Variants in MOB3B observed in about 807,000 individuals in gnomAD.
MOB3B encodes MOB kinase activator 3B.
In MOB3B, 7 loss-of-function variants were observed where a neutral mutation model predicts 18.7. The ratio of observed to expected loss-of-function variants is 0.37; its 90% confidence interval spans 0.21 to 0.70. The LOEUF (loss-of-function observed/expected upper bound fraction) is 0.70. MOB3B is among the 30% of genes least tolerant of loss of function. The pLI, the probability that MOB3B is intolerant of heterozygous loss-of-function variation, is 0.52. For missense variants in MOB3B, 253 were observed against 281.3 expected (o/e 0.90, Z 0.72); for synonymous variants, 111 against 99.9 (o/e 1.11, Z -0.66).
At chr9:27,389,600 G>GT (rs1287872578) in intron 2 of MOB3B, among the ~76,000 whole-genome samples, 1 of 152,070 alleles carries the variant, frequency 6.6e-6, no homozygotes, top group Admixed American at 6.6e-5. Context: ...CCCATCACTA[G>GT]TTGTATTCTG....
chr9:27,461,905 G>C (rs12348943), intron 1 of MOB3B, among the ~76,000 whole-genome samples: 33,838 of 152,100 alleles, frequency 0.22, 3,941 homozygotes, highest in African/African-American at 0.29. Flanking sequence ...TAAAAGAAAA[G>C]AGTGGGATTT....
At chr9:27,354,870 C>G (rs374334831) in intron 3 of MOB3B, among the ~76,000 whole-genome samples, 3 of 152,162 alleles carry the variant, frequency 2.0e-5, no homozygotes, top group African/African-American at 7.2e-5. Context: ...CTAGGGAAGA[C>G]AGAATTCAGG....
chr9:27,427,740 G>A (rs1182773212), intron 2 of MOB3B, among the ~76,000 whole-genome samples: 1 of 152,178 alleles, frequency 6.6e-6, no homozygotes, highest in Admixed American at 6.5e-5. Flanking sequence ...GGAAATGAAT[G>A]CCTTTGGAAT....
intron 2 of MOB3B, among the ~76,000 whole-genome samples, chr9:27,432,946 T>C (rs1275408268): frequency 6.6e-6 from 1 of 152,214 alleles, no homozygotes; most frequent in Non-Finnish European, 1.5e-5. Flanking sequence ...GAATTCTCTA[T>C]TCATCTGAGA....
chr9:27,426,168 G>C (rs1822326293), intron 2 of MOB3B, among the ~76,000 whole-genome samples: 1 of 152,136 alleles, frequency 6.6e-6, no homozygotes, highest in African/African-American at 2.4e-5. Flanking sequence ...AGTAAGCCAG[G>C]AAGTGGCAAA....
chr9:27,484,009 A>T (rs914366160), intron 1 of MOB3B, among the ~76,000 whole-genome samples: 1 of 152,234 alleles, frequency 6.6e-6, no homozygotes, highest in Non-Finnish European at 1.5e-5. Flanking sequence ...GTGCCAGGGC[A>T]GGGTGAGGGC....
intron 2 of MOB3B, among the ~76,000 whole-genome samples, chr9:27,426,208 A>T (rs1822326967): frequency 6.6e-6 from 1 of 152,254 alleles, no homozygotes; most frequent in African/African-American, 2.4e-5. Context: ...CTGTGTTGAT[A>T]CCAGAGCCCA....
chr9:27,387,364 T>C lies in MOB3B; in HGVS notation c.419-28128A>G, dbSNP rs117429455. Among the ~76,000 whole-genome samples, 17 of 152,304 alleles carry C rather than the reference T, an allele frequency of 1.1e-4. No individual in the cohort carries two copies. In the East Asian group the frequency reaches 3.3e-3, roughly 29 times the overall value. ...CTCTCATCAGATGCCTATCCCTCTT[T>C]TGGAAATAGTAAAGAGCCTGGATCT... On this transcript the variant is annotated intron_variant, in intron 2 of 3. Coordinates refer to ENST00000262244, the MANE Select transcript of MOB3B (RefSeq NM_024761.5).
chr9:27,358,908 A>G (rs760722014), intron 3 of MOB3B, 126 bp downstream of exon 3: 35 of 985,252 alleles, frequency 3.6e-5, no homozygotes. Flanking sequence ...AACCCCATTC[A>G]ATTCTGCAGC....
Position 27,326,330 on chromosome 9 carries a change from A to G in MOB3B, c.*4257T>C, listed in dbSNP as rs541036384. ...AGAATTGCAAGGGAAAGGAGGCTGA[A>G]GCACAACTGGTAATAGCCTTCAGAT... On this transcript the variant is annotated 3_prime_UTR_variant, in exon 4 of 4. Coordinates refer to ENST00000262244, the MANE Select transcript of MOB3B (RefSeq NM_024761.5). 17 of 396,386 alleles carry G rather than the reference A, an allele frequency of 4.3e-5. 1 individual carries two copies. The South Asian group carries it at 2.1e-3, about 50-fold the overall frequency. The allele number at this position is 396,386 out of a possible 1,614,324, so 24.6% of individuals were successfully genotyped here.
chr9:27,474,582 C>T (rs1174634305), intron 1 of MOB3B, among the ~76,000 whole-genome samples: 2 of 152,168 alleles, frequency 1.3e-5, no homozygotes, highest in African/African-American at 2.4e-5. Context: ...TTAGAACCTT[C>T]GTATCATTCC....
chr9:27,466,222 C>G (rs1456988953), intron 1 of MOB3B, among the ~76,000 whole-genome samples: 4 of 152,200 alleles, frequency 2.6e-5, no homozygotes, highest in Non-Finnish European at 5.9e-5. Flanking sequence ...AATCATCTCT[C>G]TCAAGTTCAA....
chr9:27,392,596 A>G (rs1821741840), intron 2 of MOB3B, among the ~76,000 whole-genome samples: 1 of 152,226 alleles, frequency 6.6e-6, no homozygotes. Context: ...CCAGAATAAA[A>G]GACAATCCTT....
chr9:27,471,498 C>T (rs1819470664), intron 1 of MOB3B, among the ~76,000 whole-genome samples: 1 of 152,136 alleles, frequency 6.6e-6, no homozygotes, highest in Admixed American at 6.5e-5. Context: ...GTAAATGGAT[C>T]TGAGATCAGA....
rs1820763615 is a variant in MOB3B at position 27,330,002 on chromosome 9, GGAGGTGCAGGGGATGGGTAGGGGT to G, written c.*561_*584del. 1 of 152,370 alleles carries G rather than the reference GGAGGTGCAGGGGATGGGTAGGGGT, an allele frequency of 6.6e-6. No individual in the cohort carries two copies. Among genetic ancestry groups the G allele is most frequent in the Admixed American group, 6.5e-5 (1 of 15,278 alleles). The allele number at this position is 152,370 out of a possible 1,614,324, so 9.4% of individuals were successfully genotyped here. On this transcript the variant is annotated 3_prime_UTR_variant, in exon 4 of 4. Transcript: ENST00000262244. ...ATGGACGCCTCGGCAGGGAGAGTAG[GGAGGTGCAGGGGATGGGTAGGGGT>G]TCAGGTGTCTCAGAGCTCCACAGCC...
At chr9:27,340,370 T>A (rs1820921323) in intron 3 of MOB3B, among the ~76,000 whole-genome samples, 1 of 152,196 alleles carries the variant, frequency 6.6e-6, no homozygotes, top group Non-Finnish European at 1.5e-5. Flanking sequence ...ATAAGTCACT[T>A]TATGTAAACA....
At chr9:27,348,962 T>A (rs1821069598) in intron 3 of MOB3B, among the ~76,000 whole-genome samples, 1 of 152,020 alleles carries the variant, frequency 6.6e-6, no homozygotes, top group Admixed American at 6.6e-5. Context: ...GCCAAAGGAG[T>A]TGTACATACA....
intron 2 of MOB3B, among the ~76,000 whole-genome samples, chr9:27,453,834 T>C (rs543378862): frequency 6.6e-6 from 1 of 152,340 alleles, no homozygotes; most frequent in Admixed American, 6.5e-5. Context: ...AAGTAGCCTA[T>C]GACAGTCAAT....
At chr9:27,434,960 G>C (rs1026624472) in intron 2 of MOB3B, among the ~76,000 whole-genome samples, 8 of 151,966 alleles carry the variant, frequency 5.3e-5, no homozygotes, top group African/African-American at 1.7e-4. Context: ...TGATTATTTT[G>C]AAAAACTGTA....
Sources: allele counts gnomAD v4.1 joint callset (sites outside exome capture counted in the v4.1 genomes callset), GRCh38; gene constraint gnomAD v4.1.1; transcripts MANE v1.5; gene names NCBI Gene and HGNC (gene_info 2026-07-23, HGNC 2026-07-21).